The following L3MBTL3 variants were observed in gnomAD, a reference collection of about 807,000 sequenced individuals.
L3MBTL3 encodes L3MBTL histone methyl-lysine binding protein 3, also known as lethal(3)malignant brain tumor-like protein 3.
L3MBTL3 carries 27 observed loss-of-function variants against 102.3 expected under a neutral mutation model. The ratio of observed to expected loss-of-function variants is 0.26; its 90% CI spans 0.19 to 0.36. L3MBTL3 has a LOEUF of 0.36. L3MBTL3 is among the 10% of genes least tolerant of loss of function. L3MBTL3 has a pLI of 1.00. For synonymous variants in L3MBTL3, 340 were observed against 320.9 expected (o/e 1.06, Z -0.64); for missense variants, 798 against 955.3 (o/e 0.84, Z 2.17).
intron 10 of L3MBTL3, among the ~76,000 whole-genome samples, chr6:130,062,055 T>C (rs1781932389): frequency 6.6e-6 from 1 of 152,216 alleles, no homozygotes; most frequent in African/African-American, 2.4e-5. Context: ...AGACTGCTTT[T>C]GAGAAGTTTA....
At chr6:130,057,872 G>A (rs796684063) in intron 9 of L3MBTL3, among the ~76,000 whole-genome samples, 5 of 152,148 alleles carry the variant, frequency 3.3e-5, no homozygotes, top group South Asian at 2.1e-4. Context: ...GGCCGGGCGC[G>A]GTGGCTCACG....
At chr6:130,122,881 T>G (rs111331249) in intron 20 of L3MBTL3, among the ~76,000 whole-genome samples, 8 of 152,200 alleles carry the variant, frequency 5.3e-5, no homozygotes, top group African/African-American at 1.9e-4. Context: ...ATCTATATCA[T>G]TGGATTATTG....
intron 19 of L3MBTL3, among the ~76,000 whole-genome samples, chr6:130,105,697 G>A (rs1784944124): frequency 6.6e-6 from 1 of 151,904 alleles, no homozygotes; most frequent in South Asian, 2.1e-4. Flanking sequence ...TAGATACAGG[G>A]TTCATTGACT....
chr6:130,104,622 A>G, intron 19 of L3MBTL3, 47 bp downstream of exon 19: 1 of 1,339,648 alleles, frequency 7.5e-7, no homozygotes, highest in Non-Finnish European at 9.9e-7. Context: ...ACTCTAATTT[A>G]AAGAGATTTT....
At chr6:130,117,118 C>A (rs1165796730) in intron 19 of L3MBTL3, among the ~76,000 whole-genome samples, 1 of 98,686 alleles carries the variant, frequency 1.0e-5, no homozygotes, top group Non-Finnish European at 2.0e-5. Flanking sequence ...GCTATCCCTC[C>A]CCCCTCCCCC....
intron 2 of L3MBTL3, among the ~76,000 whole-genome samples, chr6:130,032,259 C>T (rs1779773676): frequency 6.6e-6 from 1 of 152,164 alleles, no homozygotes; most frequent in Admixed American, 6.5e-5. Context: ...GGCTTACTAC[C>T]ATAGATGTTA....
At position 130,058,059 on chromosome 6, in the gene L3MBTL3, C is replaced by T. The variant is rs374892163; in HGVS notation, c.759+562C>T. On this transcript the variant is annotated intron_variant, in intron 9 of 22. Transcript: ENST00000361794. ...TCGGGAGGCTGAGGCAGGAGAATGGCGTGAACCCAGGAAGTGGAGCTTGCA... is the reference window on the plus strand; with the variant it reads ...TCGGGAGGCTGAGGCAGGAGAATGGTGTGAACCCAGGAAGTGGAGCTTGCA... Among the ~76,000 whole-genome samples the T allele has an allele frequency of 4.4e-4, 63 of 144,260 alleles. 1 individual carries two copies. The highest frequency in any genetic ancestry group is 1.5e-3 in the African/African-American group (57 of 38,196). 94.6% of individuals were successfully genotyped at this position (144,260 alleles called of 152,430 possible).
intron 3 of L3MBTL3, among the ~76,000 whole-genome samples, chr6:130,048,403 G>A (rs1780857775): frequency 6.6e-6 from 1 of 152,202 alleles, no homozygotes; most frequent in Non-Finnish European, 1.5e-5. Context: ...CCATGAATGT[G>A]TGAGTAAACC....
rs183256132 is a variant in L3MBTL3, at chr6:130,125,363, A to G, written c.1966+4405A>G. ...TTGGCTTGTTCTCTTTTCATAGCCT[A>G]TTTTTTGTTTTATAGAGTTTATTTC... On this transcript the variant is annotated intron_variant, in intron 20 of 22. Coordinates refer to ENST00000361794, the MANE Select transcript of L3MBTL3 (RefSeq NM_032438.4). Among the ~76,000 whole-genome samples, 14 of 152,036 alleles carry G rather than the reference A, an allele frequency of 9.2e-5. No individual in the cohort carries two copies. In the East Asian group the frequency reaches 2.7e-3, roughly 29 times the overall value.
At chr6:130,115,413 G>A (rs1365541821) in intron 19 of L3MBTL3, among the ~76,000 whole-genome samples, 5 of 152,198 alleles carry the variant, frequency 3.3e-5, no homozygotes, top group South Asian at 2.1e-4. Flanking sequence ...AAGAGGTGGC[G>A]GAAATCGATA....
At chr6:130,132,471 G>T (rs1476568469) in intron 20 of L3MBTL3, among the ~76,000 whole-genome samples, 1 of 152,146 alleles carries the variant, frequency 6.6e-6, no homozygotes, top group Non-Finnish European at 1.5e-5. Context: ...TCTTTCTGTA[G>T]ATCTTAGAGA....
intron 16 of L3MBTL3, among the ~76,000 whole-genome samples, chr6:130,091,714 A>G (rs73600298): frequency 0.14 from 20,699 of 152,012 alleles, 3,980 homozygotes; most frequent in African/African-American, 0.43. Flanking sequence ...AACATCATGG[A>G]TGAACCTGGA....
chr6:130,115,476 G>A (rs1345311465), intron 19 of L3MBTL3, among the ~76,000 whole-genome samples: 2 of 152,176 alleles, frequency 1.3e-5, no homozygotes, highest in Non-Finnish European at 2.9e-5. Context: ...TTAACAGACT[G>A]GAACTAATTG....
At chr6:130,036,585 A>T (rs1307492035) in intron 2 of L3MBTL3, among the ~76,000 whole-genome samples, 1 of 152,196 alleles carries the variant, frequency 6.6e-6, no homozygotes, top group African/African-American at 2.4e-5. Flanking sequence ...TAGCTTTTAG[A>T]TATCTGCTAC....
At chr6:130,038,061 A>G (rs1014702155) in intron 2 of L3MBTL3, among the ~76,000 whole-genome samples, 3 of 152,058 alleles carry the variant, frequency 2.0e-5, no homozygotes, top group Admixed American at 2.0e-4. Flanking sequence ...TTTACTTAAC[A>G]TAATGTCCTT....
At chr6:130,111,998 C>A (rs1785380464) in intron 19 of L3MBTL3, among the ~76,000 whole-genome samples, 1 of 152,202 alleles carries the variant, frequency 6.6e-6, no homozygotes, top group East Asian at 1.9e-4. Flanking sequence ...GCCACCCTGT[C>A]CTGAGATACC....
intron 18 of L3MBTL3, among the ~76,000 whole-genome samples, chr6:130,100,062 T>C (rs900453696): frequency 2.6e-5 from 4 of 152,196 alleles, no homozygotes; most frequent in Non-Finnish European, 4.4e-5. Context: ...GGTTAAGAGA[T>C]AGCCACAGTT....
At chr6:130,047,445 T>C (rs1434027040) in intron 3 of L3MBTL3, among the ~76,000 whole-genome samples, 1 of 152,218 alleles carries the variant, frequency 6.6e-6, no homozygotes, top group African/African-American at 2.4e-5. Context: ...GACTTGAAGA[T>C]TTCACTCAGT....
chr6:130,097,114 A>G (rs73602313), intron 18 of L3MBTL3, among the ~76,000 whole-genome samples: 4,460 of 152,262 alleles, frequency 0.029, 227 homozygotes, highest in African/African-American at 0.1. Flanking sequence ...CTCCCTGACT[A>G]TGCTGTCCTA....
Sources: allele counts gnomAD v4.1 joint callset (sites outside exome capture counted in the v4.1 genomes callset), GRCh38; gene constraint gnomAD v4.1.1; transcripts MANE v1.5; gene names NCBI Gene and HGNC (gene_info 2026-07-23, HGNC 2026-07-21).